MROH1: variants seen among roughly 807,000 people sequenced by gnomAD.
The protein encoded by MROH1 is maestro heat-like repeat-containing protein family member 1.
A neutral mutation model predicts 116.5 loss-of-function variants in MROH1; 117 were observed. The ratio of observed to expected loss-of-function variants is 1.00; its 90% CI spans 0.86 to 1.17. The LOEUF (loss-of-function observed/expected upper bound fraction) is 1.17. Ranked by LOEUF, MROH1 falls within the 50% of genes most tolerant of loss-of-function variation. The pLI, the probability that MROH1 is intolerant of heterozygous loss-of-function variation, is 0.00. For synonymous variants in MROH1, 921 were observed against 583.9 expected (o/e 1.58, Z -8.32); for missense variants, 1,873 against 1,338.5 (o/e 1.40, Z -6.23).
chr8:144,254,558 C>CAG (rs1843365103), intron 33 of MROH1: 2 of 465,094 alleles, frequency 4.3e-6, no homozygotes, highest in Non-Finnish European at 7.7e-6. Context: ...TCCCACACCA[C>CAG]TGCCCTGGGC....
At chr8:144,242,676 C>T (rs2132950501) in intron 24 of MROH1, 48 bp downstream of exon 24, 2 of 767,442 alleles carry the variant, frequency 2.6e-6, no homozygotes, top group East Asian at 4.9e-5. Context: ...CTCCTCTCGG[C>T]TCTCCTCTGG....
At position 144,244,206 on chromosome 8, in the gene MROH1, T is replaced by C. The variant is rs1451637633; in HGVS notation, c.2556-16T>C. Reference sequence around the variant, plus strand: ...GCCTTAGGATCATTGTCTGGGGCCCTTAACTTGCCTCTCAGCTCCGTGGAG... The same window carrying C: ...GCCTTAGGATCATTGTCTGGGGCCCCTAACTTGCCTCTCAGCTCCGTGGAG... On this transcript the variant is annotated splice_polypyrimidine_tract_variant and intron_variant, in intron 26 of 43. Coordinates refer to ENST00000326134, the MANE Select transcript of MROH1 (RefSeq NM_032450.3). 3 of 716,738 alleles carry C rather than the reference T, an allele frequency of 4.2e-6. No individual in the cohort carries two copies. Among genetic ancestry groups the C allele is most frequent in the Admixed American group, 4.0e-5 (2 of 49,992 alleles). 44.4% of individuals were successfully genotyped at this position (716,738 alleles called of 1,614,324 possible). A position where few individuals can be genotyped will look rare whatever the true frequency, so the allele number is the denominator to read the frequency against.
chr8:144,217,222 C>T (rs928771623), intron 12 of MROH1, among the ~76,000 whole-genome samples: 1 of 152,194 alleles, frequency 6.6e-6, no homozygotes, highest in African/African-American at 2.4e-5. Context: ...GGGTGGCAGA[C>T]AACCACAGAT....
intron 7 of MROH1, among the ~76,000 whole-genome samples, chr8:144,189,955 C>A (rs1828148859): frequency 6.6e-6 from 1 of 152,208 alleles, no homozygotes; most frequent in African/African-American, 2.4e-5. Flanking sequence ...CTTCAAACAA[C>A]AGAAATGTAT....
chr8:144,247,296 T>C lies in MROH1; in HGVS notation c.2872-5T>C, dbSNP rs1173320229. The stretch of plus-strand genomic sequence containing the variant: ...TTCTAATAGCCCAGGCATCTCCTCC[T>C]CCAGGCCCTGGTGCCCTTCCACAAC... On this transcript the variant is annotated splice_region_variant and splice_polypyrimidine_tract_variant and intron_variant, in intron 29 of 43. Transcript: ENST00000326134. 4 of 769,226 alleles carry C rather than the reference T, an allele frequency of 5.2e-6. No homozygotes were observed. The highest frequency in any genetic ancestry group is 9.6e-6 in the Non-Finnish European group (4 of 416,696). 47.7% of individuals were successfully genotyped at this position (769,226 alleles called of 1,614,324 possible).
intron 7 of MROH1, among the ~76,000 whole-genome samples, chr8:144,187,031 G>A (rs373343257): frequency 6.6e-6 from 1 of 151,708 alleles, no homozygotes; most frequent in Admixed American, 6.6e-5. Context: ...CTGGGAGTCA[G>A]AGGTTGCAGT....
chr8:144,234,487 C>CTT (rs1554823922), intron 14 of MROH1, among the ~76,000 whole-genome samples: 2 of 32,544 alleles, frequency 6.1e-5, no homozygotes, highest in African/African-American at 1.8e-4. Context: ...GAATTATTTT[C>CTT]TTTCTTTTTC....
intron 10 of MROH1, chr8:144,192,751 G>A (rs367614255): frequency 9.2e-6 from 4 of 433,700 alleles, no homozygotes; most frequent in African/African-American, 8.0e-5. Context: ...TGAGCTCAGA[G>A]GAGCAGAGGA....
chr8:144,259,463 T>G, intron 37 of MROH1, 109 bp downstream of exon 37: 1 of 699,542 alleles, frequency 1.4e-6, no homozygotes, highest in Non-Finnish European at 2.6e-6. Context: ...CCGTGGTCTG[T>G]GAGGGAGGTT....
At chr8:144,184,272 G>C (rs1192428079) in intron 7 of MROH1, among the ~76,000 whole-genome samples, 1 of 152,204 alleles carries the variant, frequency 6.6e-6, no homozygotes, top group Non-Finnish European at 1.5e-5. Flanking sequence ...CAGTCAGGCT[G>C]CATGGCAGTG....
In MROH1 at chr8:144,223,522, C is replaced by G. The variant is rs558887521; in HGVS notation, c.1338+292C>G. ...CCCCAAGACTACAGGCACATGCGTG[C>G]CTGGCTCCCTCTGGTTTCTCAGTCA... On this transcript the variant is annotated intron_variant, in intron 14 of 43. Transcript: ENST00000326134. 2.0e-3 allele frequency among the ~76,000 whole-genome samples: 301 copies of G among 152,288 alleles called. 1 individual carries two copies. The highest frequency in any genetic ancestry group is 6.7e-3 in the African/African-American group (280 of 41,558).
chr8:144,162,774 G>A (rs560700174), intron 2 of MROH1, among the ~76,000 whole-genome samples: 1 of 150,740 alleles, frequency 6.6e-6, no homozygotes, highest in East Asian at 2.0e-4. Context: ...TCAGGCTGCA[G>A]TGCAGTGGTG....
intron 32 of MROH1, among the ~76,000 whole-genome samples, chr8:144,249,251 C>T (rs1210956291): frequency 2.0e-5 from 3 of 152,172 alleles, no homozygotes; most frequent in African/African-American, 7.2e-5. Flanking sequence ...ATGGAGAAAT[C>T]TTTCTCTTAT....
chr8:144,199,827 C>G (rs1005382050), intron 11 of MROH1, among the ~76,000 whole-genome samples: 4 of 152,174 alleles, frequency 2.6e-5, no homozygotes, highest in African/African-American at 9.7e-5. Context: ...ACACAAGATC[C>G]GCAGGAGGGG....
At chr8:144,156,054 C>T (rs1178666126) in intron 1 of MROH1, among the ~76,000 whole-genome samples, 2 of 151,780 alleles carry the variant, frequency 1.3e-5, no homozygotes, top group African/African-American at 2.4e-5. Flanking sequence ...GCCTGACCAA[C>T]ATGGAGAAAC....
chr8:144,257,736 A>T (rs1243768049), intron 35 of MROH1, among the ~76,000 whole-genome samples: 2 of 152,338 alleles, frequency 1.3e-5, no homozygotes, highest in African/African-American at 2.4e-5. Context: ...ACCTGGCAGG[A>T]GGTGACCAGG....
At chr8:144,176,827 C>CAA (rs5895785) in intron 4 of MROH1, among the ~76,000 whole-genome samples, 1 of 126,480 alleles carries the variant, frequency 7.9e-6, no homozygotes, top group African/African-American at 3.0e-5. Flanking sequence ...GACTCTGTCT[C>CAA]AAAAAAAAAA....
chr8:144,248,892 C>A lies in MROH1; in HGVS notation c.3136C>A (p.Leu1046Ile). ...TTCCTCCTAGATTATTGCCAAGCGCCTCCCCCCAGACCAGCTCATCAGCCT... is the reference window on the plus strand; with the variant it reads ...TTCCTCCTAGATTATTGCCAAGCGCATCCCCCCAGACCAGCTCATCAGCCT... ...HSVGQIIAKR[L>I]PPDQLISLLL... Residue 1046 changes from leucine to isoleucine, a missense_variant, in exon 32 of 44, where the codon CTC (leucine) becomes ATC (isoleucine). By Grantham distance (5) the Leu-to-Ile change is conservative. Coordinates refer to ENST00000326134, the MANE Select transcript of MROH1 (RefSeq NM_032450.3). The A allele has an allele frequency of 1.3e-6, 1 of 779,086 alleles. No individual in the cohort carries two copies. The highest frequency in any genetic ancestry group is 1.4e-5 in the South Asian group (1 of 73,988). The allele number at this position is 779,086 out of a possible 1,614,324, so 48.3% of individuals were successfully genotyped here. A position where few individuals can be genotyped will look rare whatever the true frequency, so the allele number is the denominator to read the frequency against.
chr8:144,186,023 C>CCCAGGCAGTGCTCCAGGAGAGTGCCAG (rs1827065894), intron 7 of MROH1, among the ~76,000 whole-genome samples: 1 of 152,074 alleles, frequency 6.6e-6, no homozygotes, highest in Non-Finnish European at 1.5e-5. Context: ...GAGAGTGCCA[C>CCCAGGCAGTGCTCCAGGAGAGTGCCAG]TTCCCAGGCA....
Sources: allele counts gnomAD v4.1 joint callset (sites outside exome capture counted in the v4.1 genomes callset), GRCh38; gene constraint gnomAD v4.1.1; transcripts MANE v1.5; gene names NCBI Gene and HGNC (gene_info 2026-07-23, HGNC 2026-07-21).